The following SMAD2 variants were observed in gnomAD, a reference collection of about 807,000 sequenced individuals.
The protein encoded by SMAD2 is SMAD family member 2.
Under a neutral mutation model 64.4 loss-of-function variants are expected in SMAD2, and 8 were observed. The ratio of observed to expected loss-of-function variants is 0.12; its 90% CI spans 0.07 to 0.22. The LOEUF (loss-of-function observed/expected upper bound fraction) is 0.22, where lower values mean the gene tolerates loss of function less well. Ranked by LOEUF, SMAD2 falls within the 10% of genes least tolerant of loss-of-function variation. SMAD2 has a pLI of 1.00. For missense variants in SMAD2, 289 were observed against 561.2 expected, an observed-to-expected ratio of 0.51 and a Z score of 4.90; for synonymous variants, 203 against 195.8, an observed-to-expected ratio of 1.04 and a Z score of -0.31.
At chr18:47,925,290 T>A (rs1475896403) in intron 1 of SMAD2, among the ~76,000 whole-genome samples, 1 of 152,192 alleles carries the variant, frequency 6.6e-6, no homozygotes, top group Non-Finnish European at 1.5e-5. Flanking sequence ...TAAGAATTAA[T>A]CACGTCAGAA....
chr18:47,855,329 G>T (rs1331808035), intron 6 of SMAD2, among the ~76,000 whole-genome samples: 1 of 152,150 alleles, frequency 6.6e-6, no homozygotes, highest in African/African-American at 2.4e-5. Context: ...CAATCTGCAG[G>T]TTTTTGTGTA....
Position 47,856,627 on chromosome 18 carries a change from T to A in SMAD2, c.731-5300A>T, listed in dbSNP as rs960967582. On this transcript the variant is annotated intron_variant, in intron 6 of 10. Transcript: ENST00000262160. Reference sequence around the variant, plus strand: ...ATCAAAAGCACCCACTTCTCCCCCATGTCACCTAAAACCAGCCAGACATAT... The same window carrying A: ...ATCAAAAGCACCCACTTCTCCCCCAAGTCACCTAAAACCAGCCAGACATAT... 2.0e-5 allele frequency among the ~76,000 whole-genome samples: 3 copies of A among 152,072 alleles called. No homozygotes were observed. In the East Asian group the frequency reaches 5.8e-4, roughly 29 times the overall value.
chr18:47,903,089 T>A (rs1374496582), intron 1 of SMAD2, among the ~76,000 whole-genome samples: 1 of 151,728 alleles, frequency 6.6e-6, no homozygotes, highest in African/African-American at 2.4e-5. Flanking sequence ...ATGCAAAAAA[T>A]CTACCCTCAT....
chr18:47,868,526 T>G, intron 4 of SMAD2, 69 bp from the exon 5 acceptor site: 1 of 1,291,266 alleles, frequency 7.7e-7, no homozygotes, highest in South Asian at 1.2e-5. Flanking sequence ...TTTTTTAAAG[T>G]TTTCAACAAG....
chr18:47,814,136 G>C lies in SMAD2; in HGVS notation c.*27691C>G, dbSNP rs1371728803. 6 of 152,026 alleles carry C rather than the reference G, an allele frequency of 3.9e-5. No individual in the cohort carries two copies. Among genetic ancestry groups the C allele is most frequent in the Non-Finnish European group, 7.4e-5 (5 of 67,998 alleles). The allele number at this position is 152,026 out of a possible 1,614,324, so 9.4% of individuals were successfully genotyped here. A position where few individuals can be genotyped will look rare whatever the true frequency, so the allele number is the denominator to read the frequency against. ...GTCTGGGGCAAGAATGTCTCTATTG[G>C]GTCAAGACTTTGACAATATTAAAGA... On this transcript the variant is annotated 3_prime_UTR_variant, in exon 11 of 11. Coordinates refer to ENST00000262160, the MANE Select transcript of SMAD2 (RefSeq NM_005901.6).
rs144729901 is a variant in SMAD2, at chr18:47,849,346, A to G, written c.785-659T>C. ...TATATTTAGCTTCTGCAGTTTGACTAAAACATATCATAAGGAATACTGCAA... is the reference window on the plus strand; with the variant it reads ...TATATTTAGCTTCTGCAGTTTGACTGAAACATATCATAAGGAATACTGCAA... On this transcript the variant is annotated intron_variant, in intron 7 of 10. Coordinates refer to ENST00000262160, the MANE Select transcript of SMAD2 (RefSeq NM_005901.6). 5.1e-3 allele frequency among the ~76,000 whole-genome samples: 770 copies of G among 152,226 alleles called. 3 individuals are homozygous for G. The highest frequency in any genetic ancestry group is 7.0e-3 in the Non-Finnish European group (476 of 68,006).
At position 47,832,008 on chromosome 18, in the gene SMAD2, T is replaced by TA. The variant is rs1374721845; in HGVS notation, c.*9818dup. On this transcript the variant is annotated 3_prime_UTR_variant, in exon 11 of 11. Transcript: ENST00000262160. ...TTCCTGAACATTCTTCACCCAAACT[T>TA]AGACAAACCTGGAGCTTAAAATAAT... 6.6e-6 allele frequency: 1 copy of TA among 152,182 alleles called. No individual in the cohort carries two copies. Among genetic ancestry groups the TA allele is most frequent in the Non-Finnish European group, 1.5e-5 (1 of 68,018 alleles). 9.4% of individuals were successfully genotyped at this position (152,182 alleles called of 1,614,324 possible). A position where few individuals can be genotyped will look rare whatever the true frequency, so the allele number is the denominator to read the frequency against.
At chr18:47,919,580 G>A (rs1177233387) in intron 1 of SMAD2, among the ~76,000 whole-genome samples, 1 of 151,800 alleles carries the variant, frequency 6.6e-6, no homozygotes, top group African/African-American at 2.4e-5. Flanking sequence ...TGCTAGTGAG[G>A]GGGAAATCTC....
At chr18:47,847,650 TG>T (rs1914639582) in intron 8 of SMAD2, among the ~76,000 whole-genome samples, 1 of 123,042 alleles carries the variant, frequency 8.1e-6, no homozygotes, top group Non-Finnish European at 1.6e-5. Flanking sequence ...AAAAATAGAG[TG>T]GCAACATTTC....
chr18:47,914,362 G>A (rs2034255775), intron 1 of SMAD2, among the ~76,000 whole-genome samples: 1 of 152,134 alleles, frequency 6.6e-6, no homozygotes, highest in Non-Finnish European at 1.5e-5. Flanking sequence ...CATTTATTGA[G>A]TGCTTAAGCC....
intron 2 of SMAD2, among the ~76,000 whole-genome samples, chr18:47,894,554 A>G (rs114795608): frequency 1.6e-3 from 242 of 152,082 alleles, no homozygotes; most frequent in African/African-American, 5.7e-3. Context: ...CAATCTCCAC[A>G]CCACCGCACT....
At chr18:47,890,469 G>T (rs1000481429) in intron 2 of SMAD2, among the ~76,000 whole-genome samples, 4 of 152,162 alleles carry the variant, frequency 2.6e-5, no homozygotes, top group African/African-American at 9.7e-5. Context: ...CAAAAATAGA[G>T]AACGAAGACC....
rs1384723074 is a variant in SMAD2, at chr18:47,850,811, A to ATT, written c.784+462_784+463insAA. 2.1e-3 allele frequency among the ~76,000 whole-genome samples: 9 copies of ATT among 4,192 alleles called. 1 individual carries two copies. Among genetic ancestry groups the ATT allele is most frequent in the Non-Finnish European group, 6.7e-3 (8 of 1,198 alleles). The allele number at this position is 4,192 out of a possible 152,430, so 2.8% of individuals were successfully genotyped here. ...ATTATATATTATATATATTATGTAT[A>ATT]ATATATTATATATTATATATATTAT... On this transcript the variant is annotated intron_variant, in intron 7 of 10. Transcript: ENST00000262160.
intron 2 of SMAD2, among the ~76,000 whole-genome samples, chr18:47,881,099 C>T (rs200401366): frequency 5.8e-5 from 2 of 34,722 alleles, no homozygotes; most frequent in Admixed American, 4.4e-4. Context: ...AATTCGCCTA[C>T]GCCATTTCCT....
chr18:47,868,342 T>C lies in SMAD2; in HGVS notation c.636A>G (p.Pro212=), dbSNP rs868675154. 1.2e-6 allele frequency: 2 copies of C among 1,613,288 alleles called. No homozygotes were observed. The highest frequency in any genetic ancestry group is 3.3e-4 in the Middle Eastern group (2 of 6,056). ...AAATACCTGGAATATAATTACTCTG[T>C]GGCTCAATTCCTGCTGGGAAGTTAG... The part of the protein sequence containing the change: ...ENTNFPAGIE[P]QSNYIPETPP... Residue 212 remains proline, a synonymous_variant, in exon 5 of 11, where the codon CCA becomes CCG. Transcript: ENST00000262160.
chr18:47,903,367 A>T (rs539677104), intron 1 of SMAD2, among the ~76,000 whole-genome samples: 3 of 145,966 alleles, frequency 2.1e-5, no homozygotes, highest in Non-Finnish European at 4.5e-5. Flanking sequence ...CTAGAGAAAG[A>T]GGGGGTGGGG....
intron 1 of SMAD2, among the ~76,000 whole-genome samples, chr18:47,911,112 G>A (rs962705188): frequency 3.3e-5 from 5 of 152,112 alleles, no homozygotes; most frequent in Non-Finnish European, 7.4e-5. Flanking sequence ...AGCACTTTGA[G>A]AGGCAGAGGC....
intron 1 of SMAD2, among the ~76,000 whole-genome samples, chr18:47,903,369 G>A (rs993242204): frequency 6.6e-6 from 1 of 151,132 alleles, no homozygotes; most frequent in African/African-American, 2.4e-5. Flanking sequence ...AGAGAAAGAG[G>A]GGGTGGGGGG....
intron 2 of SMAD2, among the ~76,000 whole-genome samples, chr18:47,874,310 TAA>T (rs1436087968): frequency 6.6e-6 from 1 of 151,926 alleles, no homozygotes; most frequent in Non-Finnish European, 1.5e-5. Context: ...AGCTGAACAC[TAA>T]AGTATCTACA....
Sources: gnomAD v4.1 joint callset for allele counts (sites outside exome capture counted in the v4.1 genomes callset) on GRCh38, gnomAD v4.1.1 for gene constraint, MANE v1.5 for transcripts, NCBI Gene and HGNC (gene_info 2026-07-23, HGNC 2026-07-21) for gene names.